Variants in PROZ observed in about 807,000 individuals in gnomAD.
PROZ encodes vitamin K-dependent protein Z.
In PROZ, 46 loss-of-function variants were observed where a neutral mutation model predicts 34.9. The ratio of observed to expected loss-of-function variants is 1.32; its 90% confidence interval spans 1.04 to 1.69. The LOEUF is 1.69. PROZ is among the 40% of genes most tolerant of loss of function. The probability of loss-of-function intolerance (pLI) is 0.00; values close to 1 mark genes in which losing one functional copy is unlikely to be tolerated. For missense variants in PROZ, 530 were observed against 520.4 expected, an observed-to-expected ratio of 1.02 and a Z score of -0.18; for synonymous variants, 195 against 208.5, an observed-to-expected ratio of 0.94 and a Z score of 0.56.
intron 5 of PROZ, 104 bp from the exon 6 acceptor site, chr13:113,164,949 T>C: frequency 8.7e-7 from 1 of 1,147,586 alleles, no homozygotes; most frequent in Non-Finnish European, 1.3e-6. Flanking sequence ...TTATAATGGT[T>C]AGTACCATAG....
At position 113,165,088 on chromosome 13, in the gene PROZ, C is replaced by T. The variant is rs142314013; in HGVS notation, c.541C>T (p.Arg181Cys). 187 of 1,612,702 alleles carry T rather than the reference C, an allele frequency of 1.2e-4. No homozygotes were observed. The highest frequency in any genetic ancestry group is 1.5e-4 in the Non-Finnish European group (175 of 1,180,008). ...CACGVLTSEK[R>C]APDLQDLPWQ... ...CTGCGGGGTGCTGACCTCTGAGAAG[C>T]GTGCACCGGATCTACAGGACCTCCC... Residue 181 changes from arginine (R) to cysteine (C), a missense_variant, in exon 6 of 8, where the codon CGT becomes TGT. Physicochemically the swap from Arg to Cys is radical, Grantham distance 180. Coordinates refer to ENST00000375547, the MANE Select transcript of PROZ (RefSeq NM_003891.3).
At position 113,158,867 on chromosome 13, in the gene PROZ, A is replaced by C. The variant is rs1034669197; in HGVS notation, c.70+137A>C. The C allele has an allele frequency of 5.3e-5, 47 of 883,818 alleles. No individual in the cohort carries two copies. The Admixed American group carries it at 6.0e-4, about 11-fold the overall frequency. The allele number at this position is 883,818 out of a possible 1,614,324, so 54.7% of individuals were successfully genotyped here. ...CCAGACTAGTCTTAATTCCCCTGAA[A>C]AAGCTGTTTGGATCTTTATCATTTG... On this transcript the variant is annotated intron_variant, in intron 1 of 7. Transcript: ENST00000375547. This position sits in a 1 kb window ranked among gnomAD's most constrained non-coding sequence, Gnocchi z 4.3.
Position 113,171,963 on chromosome 13 carries a change from G to C in PROZ, c.1061G>C (p.Gly354Ala), listed in dbSNP as rs779752104. 16 of 1,613,566 alleles carry C rather than the reference G, an allele frequency of 9.9e-6. No homozygotes were observed. Among genetic ancestry groups the C allele is most frequent in the Non-Finnish European group, 1.4e-5 (16 of 1,180,042 alleles). The change falls in exon 8 of 8, where the codon GGA (glycine) becomes GCA (alanine). Residue 354 changes from glycine to alanine, a missense_variant. Transcript: ENST00000375547. The surrounding 1 kb of genome is among the most constrained non-coding windows in gnomAD (Gnocchi z 5.1). ...SSVAAMHWMDGSVVTREHRGS... is the reference protein window; with the variant it reads ...SSVAAMHWMDASVVTREHRGS... Reference sequence around the variant, plus strand: ...GTGGCGGCCATGCACTGGATGGATGGAAGTGTGGTCACCAGAGAACACAGA... The same window carrying C: ...GTGGCGGCCATGCACTGGATGGATGCAAGTGTGGTCACCAGAGAACACAGA...
intron 6 of PROZ, among the ~76,000 whole-genome samples, chr13:113,168,210 G>T (rs138199467): frequency 1.3e-5 from 2 of 152,230 alleles, no homozygotes. Flanking sequence ...CATATATAGT[G>T]GAATGCGGAT....
chr13:113,159,111 C>A lies in PROZ; in HGVS notation c.70+381C>A. Reference sequence around the variant, plus strand: ...GCAATGTGGGCAGAGAGAGCCTTGGCCAGGCCAGCCAGGAATGCCCAGTCT... The same window carrying A: ...GCAATGTGGGCAGAGAGAGCCTTGGACAGGCCAGCCAGGAATGCCCAGTCT... On this transcript the variant is annotated intron_variant, in intron 1 of 7. Transcript: ENST00000375547. This position sits in a 1 kb window ranked among gnomAD's most constrained non-coding sequence, Gnocchi z 4.6. The A allele has an allele frequency of 2.7e-6, 3 of 1,093,342 alleles. No homozygotes were observed. The highest frequency in any genetic ancestry group is 4.1e-6 in the Non-Finnish European group (3 of 736,764). The allele number at this position is 1,093,342 out of a possible 1,614,324, so 67.7% of individuals were successfully genotyped here. A position where few individuals can be genotyped will look rare whatever the true frequency, so the allele number is the denominator to read the frequency against.
At chr13:113,167,202 G>GC (rs1566930302) in intron 6 of PROZ, among the ~76,000 whole-genome samples, 1 of 152,154 alleles carries the variant, frequency 6.6e-6, no homozygotes, top group Non-Finnish European at 1.5e-5. Flanking sequence ...GACTGATGGC[G>GC]CAAGTGCCGT....
intron 3 of PROZ, 49 bp downstream of exon 3, chr13:113,161,021 G>C: frequency 6.5e-7 from 1 of 1,541,924 alleles, no homozygotes; most frequent in South Asian, 1.1e-5. Flanking sequence ...CTCGGGATGA[G>C]GTGCGTGGGT....
chr13:113,161,003 A>G, intron 3 of PROZ, 31 bp downstream of exon 3: 1 of 1,594,706 alleles, frequency 6.3e-7, no homozygotes, highest in South Asian at 1.1e-5. Context: ...CCTCAGAAGT[A>G]TTAATTCCTC....
rs541674775 is a variant in PROZ, at chr13:113,159,938, G to A, written c.71-76G>A. The A allele has an allele frequency of 2.7e-4, 417 of 1,573,176 alleles. No individual in the cohort carries two copies. In the African/African-American group the frequency reaches 4.7e-3, roughly 18 times the overall value. On this transcript the variant is annotated intron_variant, in intron 1 of 7. Coordinates refer to ENST00000375547, the MANE Select transcript of PROZ (RefSeq NM_003891.3). This position sits in a 1 kb window ranked among gnomAD's most constrained non-coding sequence, Gnocchi z 4.6. ...ACGGGGCTGGGGCTGGCGGCCGGCC[G>A]GGGAGGAAGCCAGGCAGCTCTGGAA... is the stretch of plus-strand genomic sequence containing the variant.
At chr13:113,161,152 C>T (rs565087621) in intron 3 of PROZ, among the ~76,000 whole-genome samples, 180 bp downstream of exon 3, 24 of 152,308 alleles carry the variant, frequency 1.6e-4, no homozygotes, top group African/African-American at 4.8e-4. Flanking sequence ...CAGGAAGCCC[C>T]CGGGCTCTGC....
chr13:113,161,039 GGACGCTTCAC>G, intron 3 of PROZ, 67 bp downstream of exon 3: 1 of 1,440,188 alleles, frequency 6.9e-7, no homozygotes, highest in South Asian at 1.1e-5. Context: ...GGTGGGCTTA[GGACGCTTCAC>G]GACCCCAGCT....
chr13:113,159,933 C>G lies in PROZ; in HGVS notation c.71-81C>G. 2.6e-6 allele frequency: 4 copies of G among 1,561,888 alleles called. No individual in the cohort carries two copies. Among genetic ancestry groups the G allele is most frequent in the Non-Finnish European group, 3.5e-6 (4 of 1,135,282 alleles). On this transcript the variant is annotated intron_variant, in intron 1 of 7. Coordinates refer to ENST00000375547, the MANE Select transcript of PROZ (RefSeq NM_003891.3). The surrounding 1 kb of genome is among the most constrained non-coding windows in gnomAD (Gnocchi z 4.6). ...GACGGACGGGGCTGGGGCTGGCGGC[C>G]GGCCGGGGAGGAAGCCAGGCAGCTC...
chr13:113,163,703 C>T (rs529755532), intron 4 of PROZ, among the ~76,000 whole-genome samples: 8 of 152,104 alleles, frequency 5.3e-5, no homozygotes, highest in Admixed American at 3.3e-4. Context: ...TCACAGACAC[C>T]CCAAATTTAC....
In PROZ at chr13:113,160,085, G is replaced by C. The variant is rs773539374; in HGVS notation, c.142G>C (p.Glu48Gln). The C allele has an allele frequency of 6.2e-7, 1 of 1,614,054 alleles. No individual in the cohort carries two copies. Among genetic ancestry groups the C allele is most frequent in the African/African-American group, 1.3e-5 (1 of 74,942 alleles). Residue 48 changes from glutamate to glutamine, a missense_variant, in exon 2 of 8, where the codon GAA becomes CAA. Coordinates refer to ENST00000375547, the MANE Select transcript of PROZ (RefSeq NM_003891.3). The part of the protein sequence containing the change: ...WKRAGSYLLE[E>Q]LFEGNLEKEC... ...GCGTGCGGGCTCCTATCTTCTGGAA[G>C]AACTCTTCGAGGGAAACTTGGAAAA...
rs778261082 is a variant in PROZ at position 113,171,463 on chromosome 13, G to C, written c.692-131G>C. On this transcript the variant is annotated intron_variant, in intron 7 of 7. Transcript: ENST00000375547. The surrounding 1 kb of genome is among the most constrained non-coding windows in gnomAD (Gnocchi z 5.1). Reference sequence around the variant, plus strand: ...CAGAAAGGCACAGTGTCCACACCACGGGGCGGTGAGCCTGCGGGTCCTCCA... The same window carrying C: ...CAGAAAGGCACAGTGTCCACACCACCGGGCGGTGAGCCTGCGGGTCCTCCA... 6.4e-6 allele frequency: 7 copies of C among 1,098,082 alleles called. No individual in the cohort carries two copies. The highest frequency in any genetic ancestry group is 6.1e-5 in the Admixed American group (3 of 48,992). The allele number at this position is 1,098,082 out of a possible 1,614,324, so 68.0% of individuals were successfully genotyped here.
intron 4 of PROZ, 76 bp downstream of exon 4, chr13:113,163,198 A>G (rs567100549): frequency 1.3e-4 from 156 of 1,224,924 alleles, no homozygotes; most frequent in Admixed American, 4.2e-4. Flanking sequence ...CAGAGTCCCA[A>G]TGGGCCCCTC....
intron 7 of PROZ, 52 bp downstream of exon 7, chr13:113,170,582 C>T (rs751871095): frequency 1.8e-6 from 2 of 1,084,360 alleles, no homozygotes; most frequent in African/African-American, 3.1e-5. Context: ...ATACACTATC[C>T]TATGTAAGAA....
At position 113,159,016 on chromosome 13, in the gene PROZ, G is replaced by A. The variant is rs1361429728; in HGVS notation, c.70+286G>A. Among the ~76,000 whole-genome samples, 1 of 150,192 alleles carries A rather than the reference G, an allele frequency of 6.7e-6. No individual in the cohort carries two copies. The highest frequency in any genetic ancestry group is 2.5e-5 in the African/African-American group (1 of 40,780). ...CCGGGGAGAGGGGAGGGGGAAAGGG[G>A]GAGGAGTGGGGGGAGGCCTGGGTTG... On this transcript the variant is annotated intron_variant, in intron 1 of 7. Transcript: ENST00000375547. This position sits in a 1 kb window ranked among gnomAD's most constrained non-coding sequence, Gnocchi z 4.6.
chr13:113,161,135 AC>A (rs1325534943), intron 3 of PROZ, among the ~76,000 whole-genome samples, 163 bp downstream of exon 3: 1 of 152,140 alleles, frequency 6.6e-6, no homozygotes, highest in East Asian at 1.9e-4. Flanking sequence ...CTCCCCAAGG[AC>A]CAGGTCAGGA....
Sources: gnomAD v4.1 joint callset for allele counts (sites outside exome capture counted in the v4.1 genomes callset) on GRCh38, gnomAD v4.1.1 for gene constraint, Gnocchi (gnomAD v3.1) non-coding constraint, MANE v1.5 for transcripts, NCBI Gene and HGNC (gene_info 2026-07-23, HGNC 2026-07-21) for gene names.